The following KIF16B variants were observed in gnomAD, a reference collection of about 807,000 sequenced individuals.
KIF16B encodes the protein kinesin family member 16B, also known as kinesin-like protein KIF16B.
A neutral mutation model predicts 156.3 loss-of-function variants in KIF16B; 98 were observed. That is an observed-to-expected ratio of 0.63 (90% CI 0.53 to 0.74). The LOEUF (loss-of-function observed/expected upper bound fraction) is 0.74, where lower values mean the gene tolerates loss of function less well. Ranked by LOEUF, KIF16B falls within the 30% of genes least tolerant of loss-of-function variation. The pLI is 0.00. For synonymous variants in KIF16B, 564 were observed against 583.7 expected (o/e 0.97, Z 0.49); for missense variants, 1,421 against 1,606.5 (o/e 0.88, Z 1.97).
intron 12 of KIF16B, among the ~76,000 whole-genome samples, chr20:16,467,853 T>C (rs949947457): frequency 6.6e-6 from 1 of 152,156 alleles, no homozygotes; most frequent in African/African-American, 2.4e-5. Flanking sequence ...TATTCTTAAT[T>C]GATCTAATAG....
Position 16,380,010 on chromosome 20 carries a change from G to T in KIF16B, c.1992C>A (p.His664Gln). 6.2e-7 allele frequency: 1 copy of T among 1,603,588 alleles called. No homozygotes were observed. The change falls in exon 19 of 26, where the codon CAC becomes CAA. Residue 664 changes from histidine (H) to glutamine (Q), a missense_variant. His to Gln is a conservative substitution (Grantham distance 24, BLOSUM62 0). Transcript: ENST00000354981. ...QEESLKRRSF[H>Q]IENKLKDLLA... ...GTAAATCCTTTAGCTTGTTCTCGATGTGGAAGCTGCGGCGTTTGAGGCTCT... is the reference window on the plus strand; with the variant it reads ...GTAAATCCTTTAGCTTGTTCTCGATTTGGAAGCTGCGGCGTTTGAGGCTCT...
intron 23 of KIF16B, among the ~76,000 whole-genome samples, chr20:16,353,899 C>G (rs1399837153): frequency 1.3e-5 from 2 of 152,190 alleles, no homozygotes; most frequent in Non-Finnish European, 2.9e-5. Context: ...CAAGTTGGTG[C>G]TAACACATTC....
In KIF16B at chr20:16,282,117, C is replaced by T. The variant is rs534559589; in HGVS notation, c.3796-8706G>A. On this transcript the variant is annotated intron_variant, in intron 25 of 25. Transcript: ENST00000354981. The stretch of plus-strand genomic sequence containing the variant: ...CATGATCTCAGCTCACTGCAACCTC[C>T]GCCTCCCAGGTTCAAGCAATCCTCC... 5.3e-5 allele frequency among the ~76,000 whole-genome samples: 8 copies of T among 151,222 alleles called. No homozygotes were observed. The Middle Eastern group carries it at 0.01, about 196-fold the overall frequency.
At chr20:16,281,006 TTC>T (rs1307985757) in intron 25 of KIF16B, among the ~76,000 whole-genome samples, 2 of 152,156 alleles carry the variant, frequency 1.3e-5, no homozygotes, top group Non-Finnish European at 2.9e-5. Context: ...ATTAAAAAGT[TTC>T]TGTTTTAATA....
At chr20:16,527,788 G>A (rs772911385) in intron 2 of KIF16B, among the ~76,000 whole-genome samples, 5 of 152,076 alleles carry the variant, frequency 3.3e-5, no homozygotes, top group Admixed American at 6.5e-5. Flanking sequence ...CCTCCTCAGC[G>A]AAAAGCATTC....
chr20:16,331,502 A>T (rs1440012982), intron 24 of KIF16B, among the ~76,000 whole-genome samples: 1 of 152,214 alleles, frequency 6.6e-6, no homozygotes, highest in East Asian at 1.9e-4. Context: ...GTGCTTTTCG[A>T]TACTTCTTAG....
At chr20:16,456,394 A>G (rs368616918) in intron 12 of KIF16B, among the ~76,000 whole-genome samples, 35 of 152,216 alleles carry the variant, frequency 2.3e-4, no homozygotes, top group African/African-American at 8.2e-4. Flanking sequence ...AAGGCCCTCC[A>G]TATCCTTGCT....
Position 16,273,186 on chromosome 20 carries a change from T to C in KIF16B, c.*67A>G, listed in dbSNP as rs2063006629. 3.6e-6 allele frequency: 5 copies of C among 1,374,086 alleles called. No homozygotes were observed. Among genetic ancestry groups the C allele is most frequent in the Non-Finnish European group, 5.2e-6 (5 of 970,036 alleles). 85.1% of individuals were successfully genotyped at this position (1,374,086 alleles called of 1,614,324 possible). A position where few individuals can be genotyped will look rare whatever the true frequency, so the allele number is the denominator to read the frequency against. On this transcript the variant is annotated 3_prime_UTR_variant, in exon 26 of 26. Coordinates refer to ENST00000354981, the MANE Select transcript of KIF16B (RefSeq NM_024704.5). ...GACCCGGATCCTCGCATGGGGGAGC[T>C]GCCCTGCATCGGAGCCCGCTTCGAC...
At chr20:16,293,667 C>T (rs560848190) in intron 25 of KIF16B, among the ~76,000 whole-genome samples, 2 of 152,090 alleles carry the variant, frequency 1.3e-5, no homozygotes, top group Non-Finnish European at 2.9e-5. Context: ...AAGGGAGCTG[C>T]GGTGTGGCTC....
In KIF16B at chr20:16,273,328, C is replaced by A; in HGVS notation, c.3879G>T (p.Ser1293=). The A allele has an allele frequency of 1.2e-6, 2 of 1,613,736 alleles. No homozygotes were observed. ...LHINKVGLTL[S]KHTICEFSPF... ...GTGAAAACTCACAAATGGTATGTTT[C>A]GAGAGAGTCAGTCCCACTTTGTTGA... is the stretch of plus-strand genomic sequence containing the variant. Residue 1293 remains serine (S), a synonymous_variant, in exon 26 of 26, where the codon TCG becomes TCT. Coordinates refer to ENST00000354981, the MANE Select transcript of KIF16B (RefSeq NM_024704.5).
chr20:16,275,085 G>C (rs1235535156), intron 25 of KIF16B, among the ~76,000 whole-genome samples: 2 of 138,976 alleles, frequency 1.4e-5, no homozygotes, highest in African/African-American at 5.5e-5. Context: ...ACGGAGTCTT[G>C]CTCTGTCTCC....
At position 16,573,265 on chromosome 20, in the gene KIF16B, A is replaced by C; in HGVS notation, c.11T>G (p.Val4Gly). 1 of 1,608,688 alleles carries C rather than the reference A, an allele frequency of 6.2e-7. No individual in the cohort carries two copies. Among genetic ancestry groups the C allele is most frequent in the Non-Finnish European group, 8.5e-7 (1 of 1,178,592 alleles). Residue 4 changes from valine (V) to glycine (G), a missense_variant, in exon 1 of 26, where the codon GTC (valine) becomes GGC (glycine). Coordinates refer to ENST00000354981, the MANE Select transcript of KIF16B (RefSeq NM_024704.5). ...GGGCCGGACCCTCACGGCCACCTTGACCGATGCCATCGCTCATCCCGAACC... is the reference window on the plus strand; with the variant it reads ...GGGCCGGACCCTCACGGCCACCTTGCCCGATGCCATCGCTCATCCCGAACC... MAS[V>G]KVAVRVRPMN...
intron 15 of KIF16B, among the ~76,000 whole-genome samples, chr20:16,408,415 C>A (rs1418647225): frequency 1.3e-5 from 2 of 152,070 alleles, no homozygotes; most frequent in African/African-American, 2.4e-5. Flanking sequence ...GTTTCCCATG[C>A]CTTTTACGAC....
At chr20:16,420,871 T>C (rs2066209189) in intron 15 of KIF16B, among the ~76,000 whole-genome samples, 1 of 152,106 alleles carries the variant, frequency 6.6e-6, no homozygotes, top group African/African-American at 2.4e-5. Context: ...TTACCTGGAC[T>C]TTAGGATCCT....
intron 23 of KIF16B, among the ~76,000 whole-genome samples, chr20:16,355,058 GTA>G (rs997081246): frequency 6.0e-5 from 9 of 150,956 alleles, no homozygotes; most frequent in Non-Finnish European, 1.2e-4. Context: ...GGAAAACTTA[GTA>G]TATAGAAATA....
chr20:16,540,884 G>A (rs913380694), intron 1 of KIF16B, among the ~76,000 whole-genome samples: 1 of 152,098 alleles, frequency 6.6e-6, no homozygotes, highest in Non-Finnish European at 1.5e-5. Flanking sequence ...TGCTAAGTCT[G>A]ACACACTGTT....
chr20:16,553,334 C>T (rs565270495), intron 1 of KIF16B, among the ~76,000 whole-genome samples: 27 of 152,322 alleles, frequency 1.8e-4, no homozygotes, highest in Middle Eastern at 3.4e-3. Flanking sequence ...CTGACCCCCA[C>T]GCTGTCACGC....
Position 16,427,358 on chromosome 20 carries a change from A to G in KIF16B, c.1475-117T>C, listed in dbSNP as rs148431273. On this transcript the variant is annotated intron_variant, in intron 14 of 25. Coordinates refer to ENST00000354981, the MANE Select transcript of KIF16B (RefSeq NM_024704.5). Reference sequence around the variant, plus strand: ...TTTGAATACTCTTCCTTTTCCACATAAGTATCATGAAGTGAACATTTATGT... The same window carrying G: ...TTTGAATACTCTTCCTTTTCCACATGAGTATCATGAAGTGAACATTTATGT... The G allele has an allele frequency of 1.3e-3, 1,200 of 949,494 alleles. 8 individuals carry two copies. In the African/African-American group the frequency reaches 0.017, roughly 13 times the overall value. 58.8% of individuals were successfully genotyped at this position (949,494 alleles called of 1,614,324 possible).
At chr20:16,410,076 T>TATATATATATGTTGGTAC (rs2065899804) in intron 15 of KIF16B, among the ~76,000 whole-genome samples, 1 of 67,104 alleles carries the variant, frequency 1.5e-5, no homozygotes. Flanking sequence ...TGTAGGTACA[T>TATATATATATGTTGGTAC]ATATATATAT....
Sources: allele counts gnomAD v4.1 joint callset (sites outside exome capture counted in the v4.1 genomes callset), GRCh38; gene constraint gnomAD v4.1.1; transcripts MANE v1.5; gene names NCBI Gene and HGNC (gene_info 2026-07-23, HGNC 2026-07-21).